The following SGF29 variants were observed in gnomAD, a reference collection of about 807,000 sequenced individuals.
The protein encoded by SGF29 is SAGA complex associated factor 29.
Under a neutral mutation model 38.1 loss-of-function variants are expected in SGF29, and 15 were observed. That is an observed-to-expected ratio of 0.39 (90% confidence interval 0.26 to 0.61). The LOEUF is 0.61. Among genes scored for constraint, SGF29 ranks in the 20% least tolerant of loss-of-function variants. SGF29 has a pLI of 0.49. For synonymous variants in SGF29, 151 were observed against 160.8 expected (o/e 0.94, Z 0.46); for missense variants, 184 against 394.6 (o/e 0.47, Z 4.52).
chr16:28,590,596 G>A lies in SGF29; in HGVS notation c.567-35G>A. The A allele has an allele frequency of 6.2e-7, 1 of 1,613,040 alleles. No individual in the cohort carries two copies. ...ACTCCCCAACAGGTACTGCGCCCCT[G>A]GCTGCATCCAGCCTTTTCCTCCTTT... is the stretch of plus-strand genomic sequence containing the variant. On this transcript the variant is annotated intron_variant, in intron 7 of 9. Coordinates refer to ENST00000317058, the MANE Select transcript of SGF29 (RefSeq NM_138414.3). This position sits in a 1 kb window ranked among gnomAD's most constrained non-coding sequence, Gnocchi z 8.2.
chr16:28,555,332 CG>C (rs1317762503), intron 1 of SGF29, among the ~76,000 whole-genome samples: 1 of 152,040 alleles, frequency 6.6e-6, no homozygotes, highest in African/African-American at 2.4e-5. Context: ...AAAAATTAGC[CG>C]GGCGTGGTGG....
At chr16:28,576,977 C>T (rs757093995) in intron 1 of SGF29, among the ~76,000 whole-genome samples, 1 of 152,082 alleles carries the variant, frequency 6.6e-6, no homozygotes, top group African/African-American at 2.4e-5. Context: ...CATTCGAGAC[C>T]GGCCTGGCTA....
chr16:28,564,717 GTATA>G (rs1198204396), intron 1 of SGF29, among the ~76,000 whole-genome samples: 2 of 61,674 alleles, frequency 3.2e-5, no homozygotes, highest in African/African-American at 1.3e-4. Context: ...ACATATATAT[GTATA>G]TATATACATA....
chr16:28,578,041 G>A (rs540014673), intron 1 of SGF29, among the ~76,000 whole-genome samples: 102 of 152,086 alleles, frequency 6.7e-4, no homozygotes, highest in Non-Finnish European at 1.0e-3. Flanking sequence ...GTAGAAGTGG[G>A]GCTCAGGCTC....
Position 28,591,581 on chromosome 16 carries a change from G to A in SGF29, c.766-9G>A. ...TCTGAGCAGCCCCTCCTGTCTGCCTGCCCCACAGCCCCAGGATGACTACTC... is the reference window on the plus strand; with the variant it reads ...TCTGAGCAGCCCCTCCTGTCTGCCTACCCCACAGCCCCAGGATGACTACTC... On this transcript the variant is annotated splice_polypyrimidine_tract_variant and intron_variant, in intron 9 of 9. Coordinates refer to ENST00000317058, the MANE Select transcript of SGF29 (RefSeq NM_138414.3). 6.2e-7 allele frequency: 1 copy of A among 1,601,782 alleles called. No individual in the cohort carries two copies. Among genetic ancestry groups the A allele is most frequent in the Non-Finnish European group, 8.6e-7 (1 of 1,168,882 alleles).
In SGF29 at chr16:28,591,728, T is replaced by G. The variant is rs767760936; in HGVS notation, c.*22T>G. The G allele has an allele frequency of 6.4e-7, 1 of 1,558,016 alleles. No homozygotes were observed. Among genetic ancestry groups the G allele is most frequent in the South Asian group, 1.1e-5 (1 of 89,738 alleles). ...GTGATGCCGCCTGGCAGACTCGCCA[T>G]CCCCCAACGACACAGGGCAGGACAG... is the stretch of plus-strand genomic sequence containing the variant. On this transcript the variant is annotated 3_prime_UTR_variant, in exon 10 of 10. Transcript: ENST00000317058.
intron 2 of SGF29, among the ~76,000 whole-genome samples, chr16:28,583,511 G>GT (rs1378702264): frequency 1.3e-5 from 2 of 152,170 alleles, no homozygotes; most frequent in Non-Finnish European, 2.9e-5. Flanking sequence ...GCAGGTTGAG[G>GT]TAAAGGCGCA....
At chr16:28,581,008 A>G in intron 1 of SGF29, 47 bp from the exon 2 acceptor site, 1 of 1,409,934 alleles carries the variant, frequency 7.1e-7, no homozygotes, top group Non-Finnish European at 1.0e-6. Flanking sequence ...AGTTCAGCCC[A>G]CAGCAGCCAC....
chr16:28,562,291 T>G (rs181510086), intron 1 of SGF29, among the ~76,000 whole-genome samples: 94 of 152,262 alleles, frequency 6.2e-4, no homozygotes, highest in African/African-American at 2.1e-3. Context: ...GGTGCTCTTG[T>G]TTTAATTTTA....
At chr16:28,555,407 T>C (rs1471318356) in intron 1 of SGF29, among the ~76,000 whole-genome samples, 1 of 151,038 alleles carries the variant, frequency 6.6e-6, no homozygotes, top group East Asian at 1.9e-4. Context: ...ACCCAGGAGG[T>C]GGATGCTGCA....
At chr16:28,578,070 G>A (rs1054209838) in intron 1 of SGF29, among the ~76,000 whole-genome samples, 1 of 151,758 alleles carries the variant, frequency 6.6e-6, no homozygotes, top group African/African-American at 2.4e-5. Context: ...GCCTAGGCTC[G>A]TCTGGACCCC....
intron 4 of SGF29, among the ~76,000 whole-genome samples, chr16:28,586,200 G>A (rs981450379): frequency 3.3e-5 from 5 of 152,150 alleles, no homozygotes; most frequent in African/African-American, 1.2e-4. Context: ...CAGATGACCT[G>A]AAGGTTTTAT....
At chr16:28,585,538 A>G (rs2151652760) in intron 3 of SGF29, 110 bp from the exon 4 acceptor site, 1 of 973,892 alleles carries the variant, frequency 1.0e-6, no homozygotes, top group Non-Finnish European at 1.6e-6. Context: ...CTCTGACTGC[A>G]GCTACGGCCT....
At chr16:28,571,185 C>T (rs940814681) in intron 1 of SGF29, among the ~76,000 whole-genome samples, 2 of 152,142 alleles carry the variant, frequency 1.3e-5, no homozygotes, top group African/African-American at 4.8e-5. Context: ...TGTGTTGCCC[C>T]TTCTGCCATG....
intron 1 of SGF29, among the ~76,000 whole-genome samples, chr16:28,564,683 A>ATG (rs71961568): frequency 1.5e-5 from 1 of 68,282 alleles, no homozygotes; most frequent in African/African-American, 4.8e-5. Flanking sequence ...ATGTATATAT[A>ATG]TGTGTATATA....
rs550189969 is a variant in SGF29, at chr16:28,560,223, CAAAA to C, written c.-16+6134_-16+6137del. Among the ~76,000 whole-genome samples, 6 of 136,536 alleles carry C rather than the reference CAAAA, an allele frequency of 4.4e-5. No homozygotes were observed. In the Admixed American group the frequency reaches 4.4e-4, roughly 10 times the overall value. The allele number at this position is 136,536 out of a possible 152,430, so 89.6% of individuals were successfully genotyped here. A position where few individuals can be genotyped will look rare whatever the true frequency, so the allele number is the denominator to read the frequency against. ...TGGGCAACAGAGCAAGACTCTGACT[CAAAA>C]AAAAAAACCACGAAAATTTTAAAAT... On this transcript the variant is annotated intron_variant, in intron 1 of 9. Transcript: ENST00000317058.
At chr16:28,566,242 C>T (rs1002008334) in intron 1 of SGF29, among the ~76,000 whole-genome samples, 1 of 150,408 alleles carries the variant, frequency 6.6e-6, no homozygotes, top group Admixed American at 6.7e-5. Context: ...CCACTGCACT[C>T]CAGCCTGGGC....
At chr16:28,591,370 C>T (rs1413231506) in intron 9 of SGF29, among the ~76,000 whole-genome samples, 1 of 152,226 alleles carries the variant, frequency 6.6e-6, no homozygotes, top group Non-Finnish European at 1.5e-5. Flanking sequence ...AGCACCCCTA[C>T]TCCTCCCTGC....
chr16:28,560,413 A>G (rs916506813), intron 1 of SGF29, among the ~76,000 whole-genome samples: 3 of 150,722 alleles, frequency 2.0e-5, no homozygotes, highest in Admixed American at 1.3e-4. Flanking sequence ...ACATGGTGAA[A>G]CCCCATCTCT....
Sources: allele counts gnomAD v4.1 joint callset (sites outside exome capture counted in the v4.1 genomes callset), GRCh38; gene constraint gnomAD v4.1.1; non-coding constraint Gnocchi (gnomAD v3.1); transcripts MANE v1.5; gene names NCBI Gene and HGNC (gene_info 2026-07-23, HGNC 2026-07-21).